Variants in PDE1C observed in about 807,000 individuals in gnomAD.
PDE1C encodes phosphodiesterase 1C.
A neutral mutation model predicts 93.1 loss-of-function variants in PDE1C; 62 were observed. That is an observed-to-expected ratio of 0.67 (90% CI 0.54 to 0.82). The LOEUF (loss-of-function observed/expected upper bound fraction) is 0.82, where lower values mean the gene tolerates loss of function less well. Among genes scored for constraint, PDE1C ranks in the 40% least tolerant of loss-of-function variants. PDE1C has a pLI of 0.00. For synonymous variants in PDE1C, 325 were observed against 310.1 expected (o/e 1.05, Z -0.50); for missense variants, 742 against 884.6 (o/e 0.84, Z 2.04).
At chr7:32,257,524 A>G (rs370425755) in intron 1 of PDE1C, among the ~76,000 whole-genome samples, 9 of 152,358 alleles carry the variant, frequency 5.9e-5, no homozygotes, top group Admixed American at 3.3e-4. Flanking sequence ...CTACTTTAAA[A>G]TGTTGTTGTG....
At chr7:32,036,700 T>G (rs1280146351) in intron 2 of PDE1C, among the ~76,000 whole-genome samples, 13 of 152,186 alleles carry the variant, frequency 8.5e-5, no homozygotes, top group Non-Finnish European at 1.3e-4. Context: ...ACTACTTAGA[T>G]GAAATGAACA....
At chr7:31,883,982 G>A (rs1248507998) in intron 2 of PDE1C, among the ~76,000 whole-genome samples, 2 of 152,174 alleles carry the variant, frequency 1.3e-5, no homozygotes, top group Non-Finnish European at 2.9e-5. Flanking sequence ...TAGCCAAGTG[G>A]TTTCAACAGA....
At chr7:31,987,655 G>A (rs1584339828) in intron 2 of PDE1C, among the ~76,000 whole-genome samples, 1 of 152,156 alleles carries the variant, frequency 6.6e-6, no homozygotes, top group South Asian at 2.1e-4. Context: ...AACTTATTTA[G>A]CATCACTATG....
intron 16 of PDE1C, among the ~76,000 whole-genome samples, chr7:31,794,041 T>TAGATAGATAGATAGACAGACAGACAGAC (rs1554335955): frequency 2.2e-5 from 2 of 89,546 alleles, no homozygotes; most frequent in East Asian, 7.1e-4. Flanking sequence ...GATAGATAGA[T>TAGATAGATAGATAGACAGACAGACAGAC]AGACAGACAG....
At chr7:32,202,811 GTTGA>G (rs1000113438) in intron 2 of PDE1C, among the ~76,000 whole-genome samples, 2 of 152,112 alleles carry the variant, frequency 1.3e-5, no homozygotes, top group African/African-American at 2.4e-5. Context: ...TGCTTGCGTG[GTTGA>G]TTGATTGGTT....
At chr7:31,818,440 A>G (rs1376442471) in intron 14 of PDE1C, among the ~76,000 whole-genome samples, 1 of 152,164 alleles carries the variant, frequency 6.6e-6, no homozygotes. Context: ...AGTGCTTAGC[A>G]TGGTGCCTGG....
intron 1 of PDE1C, among the ~76,000 whole-genome samples, chr7:32,252,415 G>A (rs1809459055): frequency 1.3e-5 from 2 of 152,198 alleles, no homozygotes; most frequent in Admixed American, 6.5e-5. Context: ...AAAATATTAT[G>A]AAGGAGAAGA....
At chr7:32,111,646 T>A (rs764804016) in intron 3 of PDE1C, among the ~76,000 whole-genome samples, 1 of 152,078 alleles carries the variant, frequency 6.6e-6, no homozygotes, top group African/African-American at 2.4e-5. Context: ...CTCTGGACCA[T>A]AGTCAGACAG....
At chr7:31,648,922 A>AT in the PDE1C span, among the ~76,000 whole-genome samples, 1 of 152,236 alleles carries the variant, frequency 6.6e-6, no homozygotes, top group Non-Finnish European at 1.5e-5. Context: ...TTAACTAGCC[A>AT]TTCTATGTCA....
chr7:31,970,903 G>A (rs1364013718), intron 2 of PDE1C, among the ~76,000 whole-genome samples: 7 of 152,124 alleles, frequency 4.6e-5, no homozygotes, highest in Non-Finnish European at 1.0e-4. Context: ...AGCACTTTGG[G>A]AAGCTGAGGT....
intron 3 of PDE1C, among the ~76,000 whole-genome samples, chr7:32,084,209 C>G (rs1206970440): frequency 6.6e-6 from 1 of 151,962 alleles, no homozygotes; most frequent in East Asian, 1.9e-4. Context: ...ATCCTAGTCT[C>G]TGATAAAACA....
chr7:31,660,148 G>T, the PDE1C span, among the ~76,000 whole-genome samples: 1 of 152,232 alleles, frequency 6.6e-6, no homozygotes, highest in East Asian at 1.9e-4. Flanking sequence ...CTCTGGTCTT[G>T]CTGAACTGTG....
chr7:32,063,454 C>A (rs190256569), intron 1 of PDE1C, among the ~76,000 whole-genome samples: 3 of 152,320 alleles, frequency 2.0e-5, no homozygotes, highest in East Asian at 3.9e-4. Context: ...AGAAACCTCT[C>A]TGCTGAGGGC....
chr7:31,992,822 T>C (rs977310564), intron 2 of PDE1C, among the ~76,000 whole-genome samples: 1 of 152,184 alleles, frequency 6.6e-6, no homozygotes, highest in African/African-American at 2.4e-5. Context: ...ACAGAGAACA[T>C]AATGATAGCT....
chr7:32,323,005 A>G (rs934409773), intron 1 of PDE1C, among the ~76,000 whole-genome samples: 19 of 152,138 alleles, frequency 1.2e-4, no homozygotes, highest in Non-Finnish European at 2.9e-5. Context: ...GGGACCAACA[A>G]AGACTGGGAG....
At chr7:31,712,325 A>T in the PDE1C span, among the ~76,000 whole-genome samples, 1,005 of 151,942 alleles carry the variant, frequency 6.6e-3, 9 homozygotes, top group African/African-American at 0.023. Context: ...GTAAGAAGCC[A>T]AGCCTAACAG....
downstream of PDE1C, among the ~76,000 whole-genome samples, chr7:31,750,087 C>A (rs1474070611): frequency 6.6e-6 from 1 of 152,092 alleles, no homozygotes; most frequent in Non-Finnish European, 1.5e-5. Context: ...CATCCTAAAC[C>A]TTTAGGAAAA....
In PDE1C at chr7:31,838,032, T is replaced by A. The variant is rs1791346095; in HGVS notation, c.981-61A>T. On this transcript the variant is annotated intron_variant, in intron 9 of 17. Coordinates refer to ENST00000396191, the MANE Select transcript of PDE1C (RefSeq NM_001191057.4). ...GTCAAAAATGGAAAGTAAAAATCAG[T>A]GTTTTTTTTTTGCCACTGCTAATGA... 1.2e-5 allele frequency: 13 copies of A among 1,127,136 alleles called. No individual in the cohort carries two copies. In the East Asian group the frequency reaches 3.1e-4, roughly 27 times the overall value. The allele number at this position is 1,127,136 out of a possible 1,614,324, so 69.8% of individuals were successfully genotyped here.
the PDE1C span, among the ~76,000 whole-genome samples, chr7:31,625,096 T>G: frequency 1.3e-5 from 2 of 152,128 alleles, no homozygotes; most frequent in Non-Finnish European, 2.9e-5. Context: ...CCAGTTAGAA[T>G]GGCAATCATT....
Sources: gnomAD v4.1 joint callset for allele counts (sites outside exome capture counted in the v4.1 genomes callset) on GRCh38, gnomAD v4.1.1 for gene constraint, MANE v1.5 for transcripts, NCBI Gene and HGNC (gene_info 2026-07-23, HGNC 2026-07-21) for gene names.